Variants in PPM1E observed in about 807,000 individuals in gnomAD.
PPM1E encodes the protein protein phosphatase 1E.
A neutral mutation model predicts 65.9 loss-of-function variants in PPM1E; 20 were observed. The observed-to-expected ratio is 0.30, with a 90% CI of 0.21 to 0.44. The LOEUF (loss-of-function observed/expected upper bound fraction) is 0.44, where lower values mean the gene tolerates loss of function less well. PPM1E is among the 20% of genes least tolerant of loss of function. The pLI is 1.00. For synonymous variants in PPM1E, 352 were observed against 374.9 expected (o/e 0.94, Z 0.70); for missense variants, 713 against 953.1 (o/e 0.75, Z 3.32).
At chr17:58,767,141 G>T (rs2049888562) in intron 1 of PPM1E, among the ~76,000 whole-genome samples, 1 of 152,110 alleles carries the variant, frequency 6.6e-6, no homozygotes, top group African/African-American at 2.4e-5. Context: ...AATTGTACAA[G>T]TATGAATAGT....
intron 1 of PPM1E, among the ~76,000 whole-genome samples, chr17:58,901,634 C>T (rs554844982): frequency 1.3e-4 from 20 of 151,598 alleles, no homozygotes; most frequent in South Asian, 6.2e-4. Context: ...AAGATTGCCC[C>T]GCTGCACTCC....
At position 58,880,271 on chromosome 17, in the gene PPM1E, A is replaced by G. The variant is rs554092973; in HGVS notation, c.465-75378A>G. On this transcript the variant is annotated intron_variant, in intron 1 of 6. Coordinates refer to ENST00000308249, the MANE Select transcript of PPM1E (RefSeq NM_014906.5). ...GCTTTTAAGAAACAGAAAAGAGGCT[A>G]GAAGGATCTTTTTGCACCTGCTGCT... Among the ~76,000 whole-genome samples, 65 of 152,300 alleles carry G rather than the reference A, an allele frequency of 4.3e-4. No homozygotes were observed. In the South Asian group the frequency reaches 4.6e-3, roughly 11 times the overall value.
intron 1 of PPM1E, among the ~76,000 whole-genome samples, chr17:58,877,294 C>G (rs12940492): frequency 0.38 from 57,302 of 151,962 alleles, 11,018 homozygotes; most frequent in Middle Eastern, 0.51. Context: ...ATAAGGTTCC[C>G]TAAAAGAGAG....
Position 58,965,875 on chromosome 17 carries a change from T to C in PPM1E, c.765T>C (p.Asn255=), listed in dbSNP as rs1399171466. 5 of 1,614,162 alleles carry C rather than the reference T, an allele frequency of 3.1e-6. No individual in the cohort carries two copies. The highest frequency in any genetic ancestry group is 4.2e-6 in the Non-Finnish European group (5 of 1,180,006). ...EDKHVCIPDF[N]MLFNLEDQEE... Reference sequence around the variant, plus strand: ...AACATGTCTGCATTCCTGACTTTAATATGCTCTTCAACCTAGAGGTAAAGG... The same window carrying C: ...AACATGTCTGCATTCCTGACTTTAACATGCTCTTCAACCTAGAGGTAAAGG... The change falls in exon 3 of 7, where the codon AAT becomes AAC. Residue 255 remains asparagine (N), a synonymous_variant. Transcript: ENST00000308249.
At chr17:58,884,010 G>C (rs1373741572) in intron 1 of PPM1E, among the ~76,000 whole-genome samples, 2 of 152,144 alleles carry the variant, frequency 1.3e-5, no homozygotes, top group Admixed American at 6.5e-5. Flanking sequence ...TCTGATCTTA[G>C]AATTCAGCAT....
intron 1 of PPM1E, among the ~76,000 whole-genome samples, chr17:58,775,920 CAAAAAAAAAAAAAAAA>C (rs1158158641): frequency 1.3e-4 from 7 of 52,506 alleles, no homozygotes; most frequent in East Asian, 1.0e-3. Flanking sequence ...GACTCCGTCT[CAAAAAAAAAAAAAAAA>C]AAAAAAAAAA....
At chr17:58,878,317 A>G (rs1242731923) in intron 1 of PPM1E, among the ~76,000 whole-genome samples, 3 of 151,926 alleles carry the variant, frequency 2.0e-5, no homozygotes. Context: ...ATCTCGGTTC[A>G]CTGCAACCTC....
chr17:58,948,912 T>G (rs2052199748), intron 1 of PPM1E, among the ~76,000 whole-genome samples: 1 of 152,224 alleles, frequency 6.6e-6, no homozygotes, highest in South Asian at 2.1e-4. Context: ...TTTTTTAGCC[T>G]TGTTCTGTGT....
At chr17:58,881,087 A>G (rs897510020) in intron 1 of PPM1E, among the ~76,000 whole-genome samples, 3 of 152,196 alleles carry the variant, frequency 2.0e-5, no homozygotes, top group Non-Finnish European at 2.9e-5. Context: ...AATCCTAATT[A>G]AGGATAATAT....
intron 1 of PPM1E, among the ~76,000 whole-genome samples, chr17:58,810,271 G>T (rs567485317): frequency 6.6e-6 from 1 of 151,890 alleles, no homozygotes; most frequent in Non-Finnish European, 1.5e-5. Context: ...GCAGTGGTGC[G>T]ATCTCAGCTC....
intron 1 of PPM1E, among the ~76,000 whole-genome samples, chr17:58,817,394 CTTT>C (rs1305666495): frequency 6.6e-6 from 1 of 151,976 alleles, no homozygotes; most frequent in African/African-American, 2.4e-5. Context: ...TTTGGGAAGC[CTTT>C]TTATTACCTT....
intron 1 of PPM1E, among the ~76,000 whole-genome samples, chr17:58,784,617 C>T (rs989277546): frequency 1.3e-5 from 2 of 151,634 alleles, no homozygotes; most frequent in South Asian, 2.1e-4. Flanking sequence ...CTCCGCCTCC[C>T]GGGTTCAAGC....
At chr17:58,911,009 G>T (rs1465671505) in intron 1 of PPM1E, among the ~76,000 whole-genome samples, 1 of 152,156 alleles carries the variant, frequency 6.6e-6, no homozygotes, top group Admixed American at 6.5e-5. Flanking sequence ...TCACAAAAGT[G>T]TGGGGAGCCC....
intron 1 of PPM1E, among the ~76,000 whole-genome samples, chr17:58,796,921 C>T (rs2050212638): frequency 6.6e-6 from 1 of 152,098 alleles, no homozygotes; most frequent in African/African-American, 2.4e-5. Flanking sequence ...GCCTTGCCAA[C>T]ATGGTGAAAC....
chr17:58,890,882 G>C (rs1055455808), intron 1 of PPM1E, among the ~76,000 whole-genome samples: 1 of 152,014 alleles, frequency 6.6e-6, no homozygotes. Context: ...TAAACTGTGA[G>C]CTCCATAATG....
chr17:58,971,734 A>G (rs16943321), intron 4 of PPM1E, among the ~76,000 whole-genome samples: 6,056 of 152,266 alleles, frequency 0.04, 239 homozygotes, highest in African/African-American at 0.098. Flanking sequence ...TGAAATGGAG[A>G]GCAGAATATA....
chr17:58,982,820 T>C lies in PPM1E; in HGVS notation c.*1789T>C. The stretch of plus-strand genomic sequence containing the variant: ...TAGTGCCGGAACCTTTTCATCATTC[T>C]GAGGCTTTGCCCCACACATGGTCCT... On this transcript the variant is annotated 3_prime_UTR_variant, in exon 7 of 7. Coordinates refer to ENST00000308249, the MANE Select transcript of PPM1E (RefSeq NM_014906.5). 1.6e-6 allele frequency: 2 copies of C among 1,268,042 alleles called. No homozygotes were observed. Among genetic ancestry groups the C allele is most frequent in the Non-Finnish European group, 2.2e-6 (2 of 893,500 alleles). 78.5% of individuals were successfully genotyped at this position (1,268,042 alleles called of 1,614,324 possible). A position where few individuals can be genotyped will look rare whatever the true frequency, so the allele number is the denominator to read the frequency against.
intron 1 of PPM1E, among the ~76,000 whole-genome samples, chr17:58,858,099 T>C (rs1246402294): frequency 6.6e-6 from 1 of 152,180 alleles, no homozygotes; most frequent in South Asian, 2.1e-4. Context: ...ATGCTCTTGA[T>C]TCCTCCTTAA....
intron 1 of PPM1E, among the ~76,000 whole-genome samples, chr17:58,801,688 G>A (rs1257008742): frequency 6.6e-6 from 1 of 151,658 alleles, no homozygotes; most frequent in Non-Finnish European, 1.5e-5. Context: ...TGATCTGTCT[G>A]CCTCAACCTC....
Sources: allele counts gnomAD v4.1 joint callset (sites outside exome capture counted in the v4.1 genomes callset), GRCh38; gene constraint gnomAD v4.1.1; transcripts MANE v1.5; gene names NCBI Gene and HGNC (gene_info 2026-07-23, HGNC 2026-07-21).